Variants in CFHR5 observed in about 807,000 individuals in gnomAD.
CFHR5 encodes the protein complement factor H-related protein 5.
A neutral mutation model predicts 62.9 loss-of-function variants in CFHR5; 73 were observed. The observed-to-expected ratio is 1.16, with a 90% CI of 0.96 to 1.41. The LOEUF is 1.41. Among genes scored for constraint, CFHR5 ranks in the 40% most tolerant of loss-of-function variants. The pLI is 0.00. For missense variants in CFHR5, 779 were observed against 679.9 expected (o/e 1.15, Z -1.62); for synonymous variants, 249 against 227.2 (o/e 1.10, Z -0.86).
intron 9 of CFHR5, 103 bp from the exon 10 acceptor site, chr1:197,008,381 TTCA>T (rs1221221591): frequency 1.8e-6 from 1 of 556,956 alleles, no homozygotes; most frequent in Non-Finnish European, 2.8e-6. Flanking sequence ...ATTAATATTT[TTCA>T]TCATTTTAAT....
rs1269274319 is a variant in CFHR5 at position 196,995,727 on chromosome 1, A to G, written c.618A>G (p.Arg206=). 2 of 1,612,774 alleles carry G rather than the reference A, an allele frequency of 1.2e-6. No individual in the cohort carries two copies. The highest frequency in any genetic ancestry group is 2.2e-5 in the East Asian group (1 of 44,832). ...PNFPTCKGQV[R]SCGPPPQLSN... ...GTTTCTTTATAATAGGACAAGTACGATCATGTGGTCCACCTCCTCAACTCT... is the reference window on the plus strand; with the variant it reads ...GTTTCTTTATAATAGGACAAGTACGGTCATGTGGTCCACCTCCTCAACTCT... Residue 206 remains arginine, a synonymous_variant, in exon 5 of 10, where the codon CGA becomes CGG. Transcript: ENST00000256785.
intron 3 of CFHR5, among the ~76,000 whole-genome samples, chr1:196,989,479 T>A (rs1203294459): frequency 1.3e-5 from 2 of 152,192 alleles, no homozygotes; most frequent in African/African-American, 4.8e-5. Context: ...TGACTTTAGA[T>A]CTTTCCTTCT....
In CFHR5 at chr1:197,009,456, A is replaced by G. The variant is rs970553481; in HGVS notation, c.*773A>G. 6 of 152,200 alleles carry G rather than the reference A, an allele frequency of 3.9e-5. No individual in the cohort carries two copies. The highest frequency in any genetic ancestry group is 1.4e-4 in the African/African-American group (6 of 41,464). 9.4% of individuals were successfully genotyped at this position (152,200 alleles called of 1,614,324 possible). A position where few individuals can be genotyped will look rare whatever the true frequency, so the allele number is the denominator to read the frequency against. On this transcript the variant is annotated 3_prime_UTR_variant, in exon 10 of 10. Coordinates refer to ENST00000256785, the MANE Select transcript of CFHR5 (RefSeq NM_030787.4). ...TCCTGTTTGTCTCAAATTATAGGAT[A>G]ACTTTGAAACTTTCTGAATTAACGT...
chr1:197,000,745 G>A (rs1654132672), intron 7 of CFHR5, among the ~76,000 whole-genome samples: 1 of 152,070 alleles, frequency 6.6e-6, no homozygotes, highest in Non-Finnish European at 1.5e-5. Flanking sequence ...TACTCAATAA[G>A]TATTCATCTT....
chr1:196,999,742 T>TGC (rs1553315427), intron 7 of CFHR5, among the ~76,000 whole-genome samples: 1 of 122,790 alleles, frequency 8.1e-6, no homozygotes, highest in Non-Finnish European at 1.6e-5. Flanking sequence ...CACATATATA[T>TGC]ACACACACAT....
In CFHR5 at chr1:197,008,618, A is replaced by AT; in HGVS notation, c.1646dup (p.Ser550IlefsTer15). ...GTGTAAATTCCCACATAAAGCGATGATATCATCACCACCATTTCGAGCAAT... is the reference window on the plus strand; with the variant it reads ...GTGTAAATTCCCACATAAAGCGATGATTATCATCACCACCATTTCGAGCAAT... On this transcript the variant is annotated frameshift_variant, in exon 10 of 10. Transcript: ENST00000256785. LOFTEE classifies it low-confidence loss of function (END_TRUNC). The AT allele has an allele frequency of 6.2e-7, 1 of 1,613,962 alleles. No homozygotes were observed. Among genetic ancestry groups the AT allele is most frequent in the East Asian group, 2.2e-5 (1 of 44,824 alleles).
At chr1:197,007,401 A>T (rs1654316441) in intron 9 of CFHR5, among the ~76,000 whole-genome samples, 1 of 152,122 alleles carries the variant, frequency 6.6e-6, no homozygotes, top group Non-Finnish European at 1.5e-5. Flanking sequence ...TAAGGTACAT[A>T]AACAGAAAAT....
chr1:196,993,301 C>T (rs1053104513), intron 3 of CFHR5, among the ~76,000 whole-genome samples: 6 of 152,038 alleles, frequency 3.9e-5, no homozygotes, highest in African/African-American at 1.4e-4. Context: ...TTTCACATAT[C>T]TACTGTTTTT....
chr1:197,001,667 G>C (rs1216911021), intron 7 of CFHR5, among the ~76,000 whole-genome samples: 2 of 151,250 alleles, frequency 1.3e-5, no homozygotes. Flanking sequence ...TCGTCATTTA[G>C]CATTAGATAT....
Position 196,982,900 on chromosome 1 carries a change from T to A in CFHR5, c.74T>A (p.Phe25Tyr), listed in dbSNP as rs1290211561. Residue 25 changes from phenylalanine to tyrosine, a missense_variant, in exon 2 of 10, where the codon TTT (phenylalanine) becomes TAT (tyrosine). By Grantham distance (22) the Phe-to-Tyr change is conservative. Coordinates refer to ENST00000256785, the MANE Select transcript of CFHR5 (RefSeq NM_030787.4). The stretch of plus-strand genomic sequence containing the variant: ...TTTTTCCCAGGAACACTTTGTGATT[T>A]TCCAAAAATACACCATGGATTTCTG... ...TVGGEGTLCD[F>Y]PKIHHGFLYD... 4 of 1,614,026 alleles carry A rather than the reference T, an allele frequency of 2.5e-6. No homozygotes were observed. The Admixed American group carries it at 6.7e-5, about 27-fold the overall frequency.
At position 197,008,878 on chromosome 1, in the gene CFHR5, G is replaced by A. The variant is rs1654364506; in HGVS notation, c.*195G>A. 2 of 575,822 alleles carry A rather than the reference G, an allele frequency of 3.5e-6. No homozygotes were observed. The highest frequency in any genetic ancestry group is 5.5e-5 in the Admixed American group (2 of 36,068). The allele number at this position is 575,822 out of a possible 1,614,324, so 35.7% of individuals were successfully genotyped here. On this transcript the variant is annotated 3_prime_UTR_variant, in exon 10 of 10. Coordinates refer to ENST00000256785, the MANE Select transcript of CFHR5 (RefSeq NM_030787.4). ...ACAATGTTTCACTTAATAGGAGGGT[G>A]TCTTAGTCCATATTACATTGTTATA...
At chr1:196,978,714 C>T (rs886464071) in intron 1 of CFHR5, among the ~76,000 whole-genome samples, 6 of 152,106 alleles carry the variant, frequency 3.9e-5, no homozygotes, top group Non-Finnish European at 8.8e-5. Context: ...GCTATAATCA[C>T]AAGAGTGCGA....
Position 196,998,302 on chromosome 1 carries a change from C to T in CFHR5, c.1145C>T (p.Thr382Ile). 6.2e-7 allele frequency: 1 copy of T among 1,609,480 alleles called. No homozygotes were observed. Among genetic ancestry groups the T allele is most frequent in the Non-Finnish European group, 8.5e-7 (1 of 1,177,010 alleles). ...NGKWNPEVDC[T>I]EKREQFCPPP... ...AAATGGAATCCTGAAGTAGACTGCA[C>T]AGGTAAGATTTGTTTAAAACATTTT... is the stretch of plus-strand genomic sequence containing the variant. Residue 382 changes from threonine to isoleucine, a missense_variant and splice_region_variant, in exon 7 of 10, where the codon ACA becomes ATA. Physicochemically the swap from Thr to Ile is moderately conservative, Grantham distance 89 (BLOSUM62 -1). Coordinates refer to ENST00000256785, the MANE Select transcript of CFHR5 (RefSeq NM_030787.4).
chr1:197,005,864 G>A (rs1654272897), intron 9 of CFHR5, among the ~76,000 whole-genome samples: 1 of 152,118 alleles, frequency 6.6e-6, no homozygotes, highest in East Asian at 1.9e-4. Flanking sequence ...CCTATACAGT[G>A]CTTCAAACCA....
chr1:197,005,580 G>T (rs2125040244), intron 9 of CFHR5, among the ~76,000 whole-genome samples: 1 of 152,226 alleles, frequency 6.6e-6, no homozygotes, highest in Admixed American at 6.5e-5. Flanking sequence ...AAGATATGGG[G>T]CGAATTAATA....
intron 1 of CFHR5, 144 bp from the exon 2 acceptor site, chr1:196,982,741 A>G (rs1653573465): frequency 2.8e-6 from 2 of 721,104 alleles, no homozygotes; most frequent in Admixed American, 2.4e-5. Flanking sequence ...TTCATTCCAA[A>G]TTAGTACACT....
intron 7 of CFHR5, among the ~76,000 whole-genome samples, chr1:197,000,500 C>T (rs1333797534): frequency 2.0e-5 from 3 of 152,066 alleles, no homozygotes; most frequent in African/African-American, 7.2e-5. Flanking sequence ...GTGTAATGTT[C>T]TTTTTACCTA....
intron 1 of CFHR5, among the ~76,000 whole-genome samples, chr1:196,980,804 C>A (rs1653522794): frequency 6.6e-6 from 1 of 151,914 alleles, no homozygotes; most frequent in African/African-American, 2.4e-5. Flanking sequence ...AGAGCAAGTT[C>A]TAAAGGATAG....
upstream of CFHR5, among the ~76,000 whole-genome samples, chr1:196,977,007 C>T (rs1413269766): frequency 6.6e-6 from 1 of 151,622 alleles, no homozygotes; most frequent in African/African-American, 2.4e-5. Flanking sequence ...ACGGGTTTCA[C>T]CGTGTTAGCC....
Sources: allele counts gnomAD v4.1 joint callset (sites outside exome capture counted in the v4.1 genomes callset), GRCh38; gene constraint gnomAD v4.1.1; transcripts MANE v1.5; gene names NCBI Gene and HGNC (gene_info 2026-07-23, HGNC 2026-07-21).